Variants in NTN1 observed in about 807,000 individuals in gnomAD.
The protein encoded by NTN1 is netrin-1.
A neutral mutation model predicts 54.2 loss-of-function variants in NTN1; 11 were observed. That is an observed-to-expected ratio of 0.20 (90% CI 0.13 to 0.34). The LOEUF is 0.34. Among genes scored for constraint, NTN1 ranks in the 10% least tolerant of loss-of-function variants. NTN1 has a pLI of 1.00. For missense variants in NTN1, 740 were observed against 893.1 expected (o/e 0.83, Z 2.18); for synonymous variants, 371 against 382.0 (o/e 0.97, Z 0.33).
At chr17:9,051,847 G>A (rs748683746) in intron 2 of NTN1, among the ~76,000 whole-genome samples, 6 of 151,820 alleles carry the variant, frequency 4.0e-5, no homozygotes, top group African/African-American at 9.7e-5. Context: ...TCCATCCCCC[G>A]CTTAATTGAT....
chr17:9,086,739 A>T (rs2092091219), intron 2 of NTN1, among the ~76,000 whole-genome samples: 1 of 152,144 alleles, frequency 6.6e-6, no homozygotes, highest in African/African-American at 2.4e-5. Flanking sequence ...CATTGCCATC[A>T]TCATGCTGTC....
chr17:9,022,052 C>T (rs943416521), intron 1 of NTN1, among the ~76,000 whole-genome samples: 3 of 151,908 alleles, frequency 2.0e-5, no homozygotes, highest in Admixed American at 1.3e-4. Context: ...TCAGGCATGC[C>T]CCTCGGGCGG....
In NTN1 at chr17:9,242,851, T is replaced by C. The variant is rs1229826248; in HGVS notation, c.*2883T>C. On this transcript the variant is annotated 3_prime_UTR_variant, in exon 7 of 7. Transcript: ENST00000173229. ...CCTTGGGAAAGCACCCCTCCTCCAC[T>C]CCGGTGCCCCACTCCAAGGAGCAGA... 6.6e-6 allele frequency: 1 copy of C among 152,216 alleles called. No homozygotes were observed. The highest frequency in any genetic ancestry group is 1.5e-5 in the Non-Finnish European group (1 of 68,084). 9.4% of individuals were successfully genotyped at this position (152,216 alleles called of 1,614,324 possible).
intron 6 of NTN1, among the ~76,000 whole-genome samples, chr17:9,227,837 C>T (rs534906170): frequency 5.3e-5 from 8 of 151,216 alleles, no homozygotes; most frequent in South Asian, 2.1e-4. Flanking sequence ...ACATACCACA[C>T]GCATTATCGC....
chr17:9,124,814 C>T (rs183032342), intron 2 of NTN1, among the ~76,000 whole-genome samples: 22 of 152,226 alleles, frequency 1.4e-4, no homozygotes, highest in African/African-American at 5.1e-4. Context: ...CGGTTTACAC[C>T]CCGATCTGCC....
chr17:9,041,327 A>G (rs958475672), intron 2 of NTN1, among the ~76,000 whole-genome samples: 4 of 152,196 alleles, frequency 2.6e-5, no homozygotes, highest in African/African-American at 7.2e-5. Flanking sequence ...GGAGCTTTCT[A>G]CGAATTAGCA....
At chr17:9,092,822 A>G (rs34761623) in intron 2 of NTN1, among the ~76,000 whole-genome samples, 11,779 of 151,686 alleles carry the variant, frequency 0.078, 616 homozygotes, top group Non-Finnish European at 0.11. Flanking sequence ...GCAATGGTGC[A>G]ATCTCAGCTC....
chr17:9,093,419 G>A (rs1435122672), intron 2 of NTN1, among the ~76,000 whole-genome samples: 1 of 152,144 alleles, frequency 6.6e-6, no homozygotes, highest in Admixed American at 6.5e-5. Flanking sequence ...CTGGAGTGCA[G>A]TGGCACGATC....
At chr17:9,043,508 A>G (rs1359780012) in intron 2 of NTN1, among the ~76,000 whole-genome samples, 2 of 152,170 alleles carry the variant, frequency 1.3e-5, no homozygotes, top group Non-Finnish European at 1.5e-5. Context: ...TCTTTTATCC[A>G]CTATTCCAGA....
chr17:9,003,536 C>A, the NTN1 span, among the ~76,000 whole-genome samples: 8 of 148,570 alleles, frequency 5.4e-5, no homozygotes, highest in Admixed American at 1.3e-4. The surrounding 1 kb of genome is among the most constrained non-coding windows in gnomAD (Gnocchi z 7.4). Flanking sequence ...GCTGGCCCCG[C>A]GGTCGCGCAC....
In NTN1 at chr17:9,221,147, T is replaced by G. The variant is rs59534717; in HGVS notation, c.1412-21T>G. 1.5e-6 allele frequency: 2 copies of G among 1,304,010 alleles called. No individual in the cohort carries two copies. The highest frequency in any genetic ancestry group is 1.7e-5 in the African/African-American group (1 of 57,790). 80.8% of individuals were successfully genotyped at this position (1,304,010 alleles called of 1,614,324 possible). On this transcript the variant is annotated intron_variant, in intron 5 of 6. Transcript: ENST00000173229. This position sits in a 1 kb window ranked among gnomAD's most constrained non-coding sequence, Gnocchi z 4.5. The stretch of plus-strand genomic sequence containing the variant: ...CAGCCTAATTAGTTTTTGTCTGTGC[T>G]CCCCCCCCACCCCCCTGCAGACTGC...
intron 2 of NTN1, among the ~76,000 whole-genome samples, chr17:9,053,314 T>A (rs2142200688): frequency 6.6e-6 from 1 of 152,218 alleles, no homozygotes; most frequent in East Asian, 1.9e-4. Context: ...CTTCCAACAC[T>A]GGCGAAAATG....
chr17:9,104,088 C>CAA (rs55732200), intron 2 of NTN1, among the ~76,000 whole-genome samples: 18,287 of 70,068 alleles, frequency 0.26, 3,618 homozygotes, highest in East Asian at 0.54. Context: ...GACTCCATCT[C>CAA]AAAAAAAAAA....
intron 2 of NTN1, among the ~76,000 whole-genome samples, chr17:9,116,712 C>T (rs979098708): frequency 2.6e-5 from 4 of 152,156 alleles, no homozygotes; most frequent in Admixed American, 6.5e-5. Flanking sequence ...CAGTACAGAG[C>T]GCGTTTGTGT....
At chr17:9,127,424 G>A (rs540723026) in intron 2 of NTN1, among the ~76,000 whole-genome samples, 11 of 152,192 alleles carry the variant, frequency 7.2e-5, no homozygotes, top group Non-Finnish European at 1.3e-4. Flanking sequence ...GAGGAGCTTG[G>A]TGCCACTCAT....
intron 2 of NTN1, among the ~76,000 whole-genome samples, chr17:9,140,266 G>A (rs2092293879): frequency 6.6e-6 from 1 of 152,152 alleles, no homozygotes; most frequent in African/African-American, 2.4e-5. Context: ...GAGGACTGTG[G>A]CGCAGAGCAG....
At chr17:9,232,852 C>T (rs1021740124) in intron 6 of NTN1, among the ~76,000 whole-genome samples, 3 of 152,150 alleles carry the variant, frequency 2.0e-5, no homozygotes, top group Admixed American at 6.5e-5. Flanking sequence ...TTCCTCCCTT[C>T]GCAGGGCCTG....
chr17:9,073,134 G>A (rs1490357567), intron 2 of NTN1, among the ~76,000 whole-genome samples: 1 of 152,218 alleles, frequency 6.6e-6, no homozygotes, highest in East Asian at 1.9e-4. Flanking sequence ...TTTGCACAGC[G>A]GAGGCCCGGC....
chr17:9,229,267 C>T (rs927946467), intron 6 of NTN1, among the ~76,000 whole-genome samples: 8 of 152,068 alleles, frequency 5.3e-5, no homozygotes, highest in African/African-American at 1.2e-4. Context: ...CTGCGTGCCC[C>T]GGTACCTCCA....
Sources: gnomAD v4.1 joint callset for allele counts (sites outside exome capture counted in the v4.1 genomes callset) on GRCh38, gnomAD v4.1.1 for gene constraint, Gnocchi (gnomAD v3.1) non-coding constraint, MANE v1.5 for transcripts, NCBI Gene and HGNC (gene_info 2026-07-23, HGNC 2026-07-21) for gene names.